The following ADGRG6 variants were observed in gnomAD, a reference collection of about 807,000 sequenced individuals.
ADGRG6 encodes G-protein coupled receptor 126.
In ADGRG6, 84 loss-of-function variants were observed where a neutral mutation model predicts 142.4. The ratio of observed to expected loss-of-function variants is 0.59; its 90% confidence interval spans 0.49 to 0.71. The LOEUF (loss-of-function observed/expected upper bound fraction) is 0.71. ADGRG6 is among the 30% of genes least tolerant of loss of function. ADGRG6 has a pLI of 0.00. For synonymous variants in ADGRG6, 521 were observed against 520.5 expected, an observed-to-expected ratio of 1.00 and a Z score of -0.01; for missense variants, 1,367 against 1,466.6, an observed-to-expected ratio of 0.93 and a Z score of 1.11.
At chr6:142,406,472 A>C (rs1316368227) in intron 15 of ADGRG6, among the ~76,000 whole-genome samples, 2 of 152,208 alleles carry the variant, frequency 1.3e-5, no homozygotes, top group Non-Finnish European at 2.9e-5. Flanking sequence ...AATAAAACTT[A>C]TCTATTAAAT....
chr6:142,308,810 A>G (rs1397396013), intron 1 of ADGRG6, among the ~76,000 whole-genome samples: 4 of 151,104 alleles, frequency 2.6e-5, no homozygotes, highest in Non-Finnish European at 4.4e-5. Context: ...CATTGTTTTG[A>G]GACAATATAA....
chr6:142,327,450 GA>G (rs954223617), intron 2 of ADGRG6, among the ~76,000 whole-genome samples: 1 of 152,012 alleles, frequency 6.6e-6, no homozygotes, highest in Admixed American at 6.6e-5. Context: ...AATTAATACA[GA>G]CATAGAGTAA....
At chr6:142,418,488 C>T (rs912500503) in intron 21 of ADGRG6, among the ~76,000 whole-genome samples, 1 of 151,936 alleles carries the variant, frequency 6.6e-6, no homozygotes, top group African/African-American at 2.4e-5. Flanking sequence ...GTAAAAGAAA[C>T]GTTAGCTCTA....
chr6:142,388,281 G>T (rs1205592042), intron 6 of ADGRG6, among the ~76,000 whole-genome samples: 3 of 152,214 alleles, frequency 2.0e-5, no homozygotes, highest in South Asian at 4.2e-4. Flanking sequence ...AATGTTTAAA[G>T]AAAACATCTT....
intron 6 of ADGRG6, among the ~76,000 whole-genome samples, chr6:142,387,728 A>T (rs1398461392): frequency 6.6e-6 from 1 of 152,212 alleles, no homozygotes; most frequent in Non-Finnish European, 1.5e-5. Context: ...GTGTAAGAAG[A>T]TAAAAAAGGG....
At chr6:142,372,637 AG>A (rs1781314011) in intron 4 of ADGRG6, among the ~76,000 whole-genome samples, 1 of 152,206 alleles carries the variant, frequency 6.6e-6, no homozygotes, top group Non-Finnish European at 1.5e-5. Flanking sequence ...GCTTTATAAG[AG>A]CTGGTGATGT....
intron 22 of ADGRG6, among the ~76,000 whole-genome samples, chr6:142,425,692 T>C (rs1324519848): frequency 6.6e-6 from 1 of 152,128 alleles, no homozygotes; most frequent in East Asian, 1.9e-4. Context: ...TGCTGTGGCA[T>C]CAGGGCATGT....
Position 142,421,965 on chromosome 6 carries a change from T to C in ADGRG6, c.3319+1861T>C, listed in dbSNP as rs76241910. On this transcript the variant is annotated intron_variant, in intron 22 of 24. Transcript: ENST00000367609. The stretch of plus-strand genomic sequence containing the variant: ...CTGCCCAGGCTTGTGCCAAAACTTC[T>C]TAGGATGCTATGGAAATTTACTTAA... Among the ~76,000 whole-genome samples the C allele has an allele frequency of 3.1e-3, 478 of 152,302 alleles. 2 individuals carry two copies. Among genetic ancestry groups the C allele is most frequent in the Non-Finnish European group, 5.0e-3 (337 of 68,018 alleles).
intron 1 of ADGRG6, among the ~76,000 whole-genome samples, 174 bp from the exon 2 acceptor site, chr6:142,309,370 G>C (rs1777648189): frequency 6.6e-6 from 1 of 151,784 alleles, no homozygotes; most frequent in Non-Finnish European, 1.5e-5. Flanking sequence ...TTGCTAATTA[G>C]CTTGAAGGAA....
At chr6:142,353,754 A>G (rs1372995336) in intron 2 of ADGRG6, among the ~76,000 whole-genome samples, 1 of 152,212 alleles carries the variant, frequency 6.6e-6, no homozygotes, top group Non-Finnish European at 1.5e-5. Flanking sequence ...TAGCTTTTAC[A>G]TCACTAAAAG....
In ADGRG6 at chr6:142,438,368, A is replaced by T. The variant is rs745786734; in HGVS notation, c.3574+4A>T. The T allele has an allele frequency of 1.9e-6, 3 of 1,575,934 alleles. No individual in the cohort carries two copies. Among genetic ancestry groups the T allele is most frequent in the Admixed American group, 1.9e-5 (1 of 51,678 alleles). ...TTCAAAAGGAATAGCCACACAGGTG[A>T]GTCTAAAGATGTCCTCAAGTTTAGT... On this transcript the variant is annotated splice_donor_region_variant and intron_variant, in intron 24 of 24. Coordinates refer to ENST00000367609, the MANE Select transcript of ADGRG6 (RefSeq NM_198569.3).
chr6:142,333,466 G>A (rs1193925395), intron 2 of ADGRG6, among the ~76,000 whole-genome samples: 2 of 152,174 alleles, frequency 1.3e-5, no homozygotes, highest in Non-Finnish European at 2.9e-5. Flanking sequence ...AGTGAAGACT[G>A]AATGTTGCAG....
At chr6:142,305,349 T>C (rs1323782048) in intron 1 of ADGRG6, among the ~76,000 whole-genome samples, 1 of 151,354 alleles carries the variant, frequency 6.6e-6, no homozygotes, top group African/African-American at 2.4e-5. Flanking sequence ...TTACCCAGAA[T>C]CACCTATTCT....
At chr6:142,318,212 ATATAT>A (rs1778296081) in intron 2 of ADGRG6, among the ~76,000 whole-genome samples, 1 of 34,978 alleles carries the variant, frequency 2.9e-5, no homozygotes, top group Non-Finnish European at 4.2e-5. Context: ...ATATATATTT[ATATAT>A]TATATATATT....
At chr6:142,382,050 C>G in intron 5 of ADGRG6, 31 bp downstream of exon 5, 1 of 1,370,424 alleles carries the variant, frequency 7.3e-7, no homozygotes, top group African/African-American at 1.4e-5. Context: ...TCTGGAATCT[C>G]TTTGCTTTCT....
chr6:142,321,586 A>G (rs1778520957), intron 2 of ADGRG6, among the ~76,000 whole-genome samples: 1 of 152,040 alleles, frequency 6.6e-6, no homozygotes, highest in South Asian at 2.1e-4. Flanking sequence ...GAACAAAGAG[A>G]GGGACATAGA....
At chr6:142,354,944 G>C (rs1023202674) in intron 2 of ADGRG6, among the ~76,000 whole-genome samples, 8 of 152,186 alleles carry the variant, frequency 5.3e-5, no homozygotes, top group African/African-American at 1.7e-4. Flanking sequence ...ATAGGGAGAA[G>C]ACAATCATTT....
intron 2 of ADGRG6, among the ~76,000 whole-genome samples, chr6:142,318,932 A>G (rs1161992093): frequency 6.6e-6 from 1 of 152,104 alleles, no homozygotes; most frequent in African/African-American, 2.4e-5. Flanking sequence ...CAGGGGAGAT[A>G]GATATGTCCC....
intron 2 of ADGRG6, among the ~76,000 whole-genome samples, chr6:142,314,839 A>G (rs1777949981): frequency 6.6e-6 from 1 of 152,116 alleles, no homozygotes; most frequent in African/African-American, 2.4e-5. Flanking sequence ...TTAGTAATTA[A>G]TTGTCCAAAG....
Sources: allele counts gnomAD v4.1 joint callset (sites outside exome capture counted in the v4.1 genomes callset), GRCh38; gene constraint gnomAD v4.1.1; transcripts MANE v1.5; gene names NCBI Gene and HGNC (gene_info 2026-07-23, HGNC 2026-07-21).